The following NCOR1 variants were observed in gnomAD, a reference collection of about 807,000 sequenced individuals.
NCOR1 encodes the protein nuclear receptor corepressor 1.
Under a neutral mutation model 288.1 loss-of-function variants are expected in NCOR1, and 63 were observed. The observed-to-expected ratio is 0.22, with a 90% CI of 0.18 to 0.27. The LOEUF (loss-of-function observed/expected upper bound fraction) is 0.27, where lower values mean the gene tolerates loss of function less well. NCOR1 is among the 10% of genes least tolerant of loss of function. NCOR1 has a pLI of 1.00. For missense variants in NCOR1, 2,397 were observed against 3,019.2 expected (o/e 0.79, Z 4.83); for synonymous variants, 1,007 against 1,065.9 (o/e 0.94, Z 1.08).
At chr17:16,176,644 A>C (rs2084260900) in intron 3 of NCOR1, among the ~76,000 whole-genome samples, 1 of 151,340 alleles carries the variant, frequency 6.6e-6, no homozygotes, top group South Asian at 2.1e-4. Flanking sequence ...TTATTGTTAA[A>C]CTGTCTGGTA....
chr17:16,175,068 A>G (rs898510739), intron 3 of NCOR1, among the ~76,000 whole-genome samples: 4 of 152,088 alleles, frequency 2.6e-5, no homozygotes, highest in African/African-American at 9.7e-5. Flanking sequence ...AAATTTTCAC[A>G]TAAAGAAATC....
At chr17:16,067,845 C>T (rs2061314452) in intron 32 of NCOR1, 49 bp downstream of exon 32, 1 of 1,508,962 alleles carries the variant, frequency 6.6e-7, no homozygotes, top group African/African-American at 1.4e-5. Context: ...AAAAGTCATA[C>T]TGGTGGCATA....
Position 16,061,461 on chromosome 17 carries a change from T to C in NCOR1, c.5821A>G (p.Ile1941Val). The change falls in exon 37 of 46, where the codon ATT (isoleucine) becomes GTT (valine). Residue 1941 changes from isoleucine to valine, a missense_variant. This residue lies in a region of NCOR1 where 1,872 missense variants were observed against 2,187.8 expected (regional missense o/e 0.86). Transcript: ENST00000268712. ...TCCCTCGCATCCTTGTCCGAGGCAA[T>C]TTGCCGGGTGATGATCACGTCTATG... ...NFIDVIITRQIASDKDARERG... is the reference protein window; with the variant it reads ...NFIDVIITRQVASDKDARERG... 1 of 1,614,180 alleles carries C rather than the reference T, an allele frequency of 6.2e-7. No individual in the cohort carries two copies. Among genetic ancestry groups the C allele is most frequent in the East Asian group, 2.2e-5 (1 of 44,880 alleles).
chr17:16,042,208 A>C (rs1207493722), intron 42 of NCOR1, among the ~76,000 whole-genome samples: 2 of 152,212 alleles, frequency 1.3e-5, no homozygotes, highest in African/African-American at 2.4e-5. Flanking sequence ...GCCATGGATG[A>C]CAGTCTTCTT....
intron 32 of NCOR1, among the ~76,000 whole-genome samples, chr17:16,067,649 C>G (rs564913847): frequency 1.3e-5 from 2 of 152,278 alleles, no homozygotes. Context: ...ACTAGTTTCA[C>G]CAAGTGCCAT....
At chr17:16,184,156 G>A (rs972564703) in intron 3 of NCOR1, among the ~76,000 whole-genome samples, 2 of 152,154 alleles carry the variant, frequency 1.3e-5, no homozygotes, top group African/African-American at 2.4e-5. Flanking sequence ...GAAAAGCTCT[G>A]GGACACCGAC....
chr17:16,046,135 T>C (rs1276693793), intron 42 of NCOR1, among the ~76,000 whole-genome samples: 1 of 152,160 alleles, frequency 6.6e-6, no homozygotes, highest in Non-Finnish European at 1.5e-5. Flanking sequence ...GAGTTGCATA[T>C]GAATAGTGAA....
chr17:16,123,309 T>G (rs2073374301), intron 15 of NCOR1, among the ~76,000 whole-genome samples: 1 of 152,162 alleles, frequency 6.6e-6, no homozygotes, highest in South Asian at 2.1e-4. Context: ...TTTGGTTATT[T>G]CATCTCAGAA....
intron 1 of NCOR1, among the ~76,000 whole-genome samples, chr17:16,211,390 ACT>A (rs1301023941): frequency 1.3e-5 from 2 of 151,078 alleles, no homozygotes; most frequent in Non-Finnish European, 2.9e-5. Context: ...CCACAAGCAC[ACT>A]CTGCTAATTT....
Position 16,073,455 on chromosome 17 carries a change from T to C in NCOR1, c.3785A>G (p.Glu1262Gly), listed in dbSNP as rs777517914. 3 of 1,608,616 alleles carry C rather than the reference T, an allele frequency of 1.9e-6. No individual in the cohort carries two copies. The highest frequency in any genetic ancestry group is 1.7e-4 in the Middle Eastern group (1 of 6,042). ...GNIKQGMSMR[E>G]SPVSAPLEGL... is the part of the protein sequence containing the mutation. ...CTCTAACGGTGCTGATACAGGAGACTCCCTCATTGACATCCCTTGCTTTAT... is the reference window on the plus strand; with the variant it reads ...CTCTAACGGTGCTGATACAGGAGACCCCCTCATTGACATCCCTTGCTTTAT... Residue 1262 changes from glutamate to glycine, a missense_variant, in exon 28 of 46, where the codon GAG (glutamate) becomes GGG (glycine). Glu to Gly is a moderately conservative substitution (Grantham distance 98). Transcript: ENST00000268712.
At chr17:16,197,642 A>G (rs1397712969) in intron 1 of NCOR1, among the ~76,000 whole-genome samples, 1 of 152,198 alleles carries the variant, frequency 6.6e-6, no homozygotes, top group Non-Finnish European at 1.5e-5. Context: ...GGGAAAAACT[A>G]ATGTTTTCTG....
At chr17:16,119,190 T>G (rs1413565876) in intron 17 of NCOR1, among the ~76,000 whole-genome samples, 2 of 152,198 alleles carry the variant, frequency 1.3e-5, no homozygotes, top group Non-Finnish European at 2.9e-5. Flanking sequence ...AAAATAAAAC[T>G]GCAGAGAGAA....
chr17:16,054,070 T>TA (rs752015595), intron 40 of NCOR1, among the ~76,000 whole-genome samples: 6,861 of 71,924 alleles, frequency 0.095, 406 homozygotes, highest in African/African-American at 0.2. Context: ...GACTTAAATG[T>TA]AAAAAAAAAA....
At chr17:16,123,560 A>C (rs1290673933) in intron 15 of NCOR1, among the ~76,000 whole-genome samples, 1 of 152,206 alleles carries the variant, frequency 6.6e-6, no homozygotes, top group Non-Finnish European at 1.5e-5. Flanking sequence ...TCCTGAATGA[A>C]GTCTACCATT....
intron 14 of NCOR1, among the ~76,000 whole-genome samples, chr17:16,128,064 C>T (rs1394118574): frequency 6.6e-6 from 1 of 152,084 alleles, no homozygotes. Flanking sequence ...CATGCACGAG[C>T]CATTGTGACT....
At position 16,038,761 on chromosome 17, in the gene NCOR1, T is replaced by TTGTG. The variant is rs531292443; in HGVS notation, c.6955+668_6955+671dup. ...TATGGCTTACGATTATTTTATTTTATTGTGTGTGTCTGTGTATGTATGTAT... is the reference window on the plus strand; with the variant it reads ...TATGGCTTACGATTATTTTATTTTATTGTGTGTGTGTGTCTGTGTATGTATGTAT... On this transcript the variant is annotated intron_variant, in intron 44 of 45. Transcript: ENST00000268712. Among the ~76,000 whole-genome samples, 6 of 152,072 alleles carry TTGTG rather than the reference T, an allele frequency of 3.9e-5. No individual in the cohort carries two copies. The South Asian group carries it at 1.0e-3, about 26-fold the overall frequency.
At position 16,193,326 on chromosome 17, in the gene NCOR1, G is replaced by A. The variant is rs139549032; in HGVS notation, c.108+1136C>T. On this transcript the variant is annotated intron_variant, in intron 2 of 45. Transcript: ENST00000268712. ...GCTCACTGCAACCTCTGCCTCCCAGGTTCAAGCGATTCTCCAGCCTCAGCC... is the reference window on the plus strand; with the variant it reads ...GCTCACTGCAACCTCTGCCTCCCAGATTCAAGCGATTCTCCAGCCTCAGCC... 1.0e-2 allele frequency among the ~76,000 whole-genome samples: 1,517 copies of A among 152,148 alleles called. 25 individuals are homozygous for A. The highest frequency in any genetic ancestry group is 0.034 in the African/African-American group (1,431 of 41,502).
At chr17:16,114,677 C>G (rs1285539674) in intron 18 of NCOR1, among the ~76,000 whole-genome samples, 2 of 152,204 alleles carry the variant, frequency 1.3e-5, no homozygotes, top group Non-Finnish European at 2.9e-5. Context: ...AACCTTAAAG[C>G]TCCAAAATGA....
chr17:16,107,496 C>G (rs2069022384), intron 19 of NCOR1, among the ~76,000 whole-genome samples: 1 of 152,212 alleles, frequency 6.6e-6, no homozygotes. Flanking sequence ...CAGAAAGCAA[C>G]TGTGCCAGCA....
Sources: allele counts gnomAD v4.1 joint callset (sites outside exome capture counted in the v4.1 genomes callset), GRCh38; gene constraint gnomAD v4.1.1; regional missense constraint gnomAD v4.1.1; transcripts MANE v1.5; gene names NCBI Gene and HGNC (gene_info 2026-07-23, HGNC 2026-07-21).